PPP2R2B: variants seen among roughly 807,000 people sequenced by gnomAD.
PPP2R2B encodes the protein serine/threonine-protein phosphatase 2A 55 kDa regulatory subunit B beta isoform.
Under a neutral mutation model 46.0 loss-of-function variants are expected in PPP2R2B, and 5 were observed. The ratio of observed to expected loss-of-function variants is 0.11; its 90% CI spans 0.06 to 0.23. The LOEUF is 0.23. PPP2R2B is among the 10% of genes least tolerant of loss of function. The pLI, the probability that PPP2R2B is intolerant of heterozygous loss-of-function variation, is 1.00. For synonymous variants in PPP2R2B, 215 were observed against 206.7 expected, an observed-to-expected ratio of 1.04 and a Z score of -0.34; for missense variants, 367 against 575.0, an observed-to-expected ratio of 0.64 and a Z score of 3.70.
intron 1 of PPP2R2B, among the ~76,000 whole-genome samples, chr5:147,016,603 A>G (rs948627268): frequency 7.9e-5 from 1 of 12,630 alleles, no homozygotes; most frequent in African/African-American, 6.0e-4. Flanking sequence ...ATATGTAGTG[A>G]GGAAAATAGA....
At chr5:146,856,569 G>A in intron 2 of PPP2R2B, 1 of 1,612,398 alleles carries the variant, frequency 6.2e-7, no homozygotes, top group Non-Finnish European at 8.5e-7. Flanking sequence ...TCTGTCTTGG[G>A]TTCTCCCTTG....
chr5:146,609,808 G>A (rs1156837000), intron 7 of PPP2R2B, among the ~76,000 whole-genome samples: 3 of 133,930 alleles, frequency 2.2e-5, no homozygotes, highest in Non-Finnish European at 4.7e-5. Context: ...GGCGCACCAC[G>A]AGACTATATC....
chr5:146,818,338 C>T (rs1372338900), intron 2 of PPP2R2B, among the ~76,000 whole-genome samples: 2 of 147,170 alleles, frequency 1.4e-5, no homozygotes, highest in Non-Finnish European at 3.0e-5. Context: ...TTCATCTATG[C>T]TAAAAAAAAT....
intron 1 of PPP2R2B, among the ~76,000 whole-genome samples, chr5:146,984,786 T>C (rs1180261001): frequency 6.6e-6 from 1 of 152,116 alleles, no homozygotes; most frequent in Non-Finnish European, 1.5e-5. Flanking sequence ...TGAGAGGATA[T>C]TTCTTGTGGC....
chr5:146,740,938 G>A (rs1752837200), intron 2 of PPP2R2B, among the ~76,000 whole-genome samples: 1 of 151,842 alleles, frequency 6.6e-6, no homozygotes, highest in African/African-American at 2.4e-5. Flanking sequence ...TCAGGAGACT[G>A]AGGCAGGAGA....
chr5:146,749,626 T>C lies in PPP2R2B; in HGVS notation c.71-48484A>G, dbSNP rs531264245. ...CTTTTCTTTTTTTTTTTTTTTTTTT[T>C]CGAGATGGAGTCTCAGTCTGTCGCC... On this transcript the variant is annotated intron_variant, in intron 2 of 9. Coordinates refer to ENST00000394411, the MANE Select transcript of PPP2R2B (RefSeq NM_181675.4). Among the ~76,000 whole-genome samples the C allele has an allele frequency of 5.5e-4, 81 of 147,638 alleles. 1 individual carries two copies. The East Asian group carries it at 0.011, about 21-fold the overall frequency.
At chr5:146,660,938 T>C (rs942122626) in intron 5 of PPP2R2B, among the ~76,000 whole-genome samples, 2 of 152,224 alleles carry the variant, frequency 1.3e-5, no homozygotes, top group South Asian at 2.1e-4. Flanking sequence ...AGTAAATACA[T>C]TGTTATAAAC....
chr5:146,716,284 C>T (rs1426464381), intron 2 of PPP2R2B, among the ~76,000 whole-genome samples: 2 of 152,118 alleles, frequency 1.3e-5, no homozygotes, highest in Non-Finnish European at 2.9e-5. Flanking sequence ...AAAACTGTAA[C>T]TCTTTGTACT....
At position 146,899,932 on chromosome 5, in the gene PPP2R2B, A is replaced by C. The variant is rs181608603; in HGVS notation, c.79+155733T>G. Among the ~76,000 whole-genome samples the C allele has an allele frequency of 3.7e-4, 56 of 152,324 alleles. 1 individual carries two copies. Among genetic ancestry groups the C allele is most frequent in the African/African-American group, 1.3e-3 (54 of 41,578 alleles). ...TCCTAAAAGTTTCCTGGAGGAAAAC[A>C]CAGGCCATATCTATGTTAGTAACTA... On this transcript the variant is annotated intron_variant, in intron 1 of 8. Coordinates refer to the PPP2R2B transcript ENST00000336640.
At chr5:147,022,845 T>C (rs182499241) in intron 1 of PPP2R2B, among the ~76,000 whole-genome samples, 3 of 152,006 alleles carry the variant, frequency 2.0e-5, no homozygotes, top group Admixed American at 2.0e-4. Flanking sequence ...CCAGTCTAGA[T>C]AGAACCAGTG....
chr5:146,850,961 G>T (rs1464792246), intron 2 of PPP2R2B, among the ~76,000 whole-genome samples: 7 of 152,078 alleles, frequency 4.6e-5, no homozygotes, highest in Admixed American at 4.6e-4. Flanking sequence ...AGAAGAATAT[G>T]TCACTTCACA....
chr5:146,808,176 A>G (rs1041538364), intron 2 of PPP2R2B, among the ~76,000 whole-genome samples: 6 of 152,010 alleles, frequency 3.9e-5, no homozygotes, highest in African/African-American at 1.2e-4. Flanking sequence ...GTCATACAAT[A>G]TTTTAGGTTT....
At chr5:147,002,704 C>T (rs757661574) in intron 1 of PPP2R2B, among the ~76,000 whole-genome samples, 5 of 152,098 alleles carry the variant, frequency 3.3e-5, no homozygotes, top group East Asian at 1.9e-4. Flanking sequence ...CGTCGGTGGG[C>T]GCAACTCTTC....
chr5:146,786,035 T>C (rs1180098984), intron 2 of PPP2R2B, among the ~76,000 whole-genome samples: 1 of 152,156 alleles, frequency 6.6e-6, no homozygotes, highest in Non-Finnish European at 1.5e-5. Context: ...GAAGATTTGG[T>C]ATCTTCTCAA....
rs560610347 is a variant in PPP2R2B, at chr5:146,676,060, G to C, written c.447+15068C>G. 2.6e-5 allele frequency among the ~76,000 whole-genome samples: 4 copies of C among 152,120 alleles called. No individual in the cohort carries two copies. The East Asian group carries it at 7.8e-4, about 30-fold the overall frequency. On this transcript the variant is annotated intron_variant, in intron 5 of 9. Coordinates refer to ENST00000394411, the MANE Select transcript of PPP2R2B (RefSeq NM_181675.4). ...GGACGCCTTGATATTGGAGAAACCCGGTGGAGGCCATGCCCTGACATGTAT... is the reference window on the plus strand; with the variant it reads ...GGACGCCTTGATATTGGAGAAACCCCGTGGAGGCCATGCCCTGACATGTAT...
chr5:146,880,902 G>A (rs768259275), upstream of PPP2R2B, among the ~76,000 whole-genome samples: 1 of 152,160 alleles, frequency 6.6e-6, no homozygotes, highest in African/African-American at 2.4e-5. Flanking sequence ...AGATTTCAAG[G>A]TTTCCATTTG....
chr5:146,800,945 CAT>C (rs60522338), intron 2 of PPP2R2B, among the ~76,000 whole-genome samples: 6 of 150,870 alleles, frequency 4.0e-5, no homozygotes, highest in African/African-American at 7.4e-5. Flanking sequence ...CACACACACA[CAT>C]ATACACACAT....
In PPP2R2B at chr5:146,589,651, G is replaced by A. The variant is rs933593564; in HGVS notation, c.*296C>T. ...GCAGACACCTAGGAACAAAACACTGGACCCACCAGAGAAAACTGGGCAATA... is the reference window on the plus strand; with the variant it reads ...GCAGACACCTAGGAACAAAACACTGAACCCACCAGAGAAAACTGGGCAATA... On this transcript the variant is annotated 3_prime_UTR_variant, in exon 10 of 10. Transcript: ENST00000394411. The A allele has an allele frequency of 2.8e-6, 1 of 354,284 alleles. No individual in the cohort carries two copies. Among genetic ancestry groups the A allele is most frequent in the Non-Finnish European group, 5.1e-6 (1 of 194,382 alleles). The allele number at this position is 354,284 out of a possible 1,614,324, so 21.9% of individuals were successfully genotyped here. A position where few individuals can be genotyped will look rare whatever the true frequency, so the allele number is the denominator to read the frequency against.
chr5:146,700,460 A>G (rs1263228343), intron 3 of PPP2R2B, among the ~76,000 whole-genome samples: 1 of 152,178 alleles, frequency 6.6e-6, no homozygotes, highest in African/African-American at 2.4e-5. Context: ...ACTGGAAGTT[A>G]GAACTCCTGC....
Sources: gnomAD v4.1 joint callset for allele counts (sites outside exome capture counted in the v4.1 genomes callset) on GRCh38, gnomAD v4.1.1 for gene constraint, MANE v1.5 for transcripts, NCBI Gene and HGNC (gene_info 2026-07-23, HGNC 2026-07-21) for gene names.